GFI1: variants seen among roughly 807,000 people sequenced by gnomAD.
GFI1 encodes the protein growth factor independent 1 transcriptional repressor.
A neutral mutation model predicts 39.2 loss-of-function variants in GFI1; 15 were observed. That is an observed-to-expected ratio of 0.38 (90% CI 0.26 to 0.59). GFI1 has a LOEUF of 0.59. GFI1 is among the 20% of genes least tolerant of loss of function. The pLI is 0.62. For missense variants in GFI1, 475 were observed against 574.0 expected (o/e 0.83, Z 1.76); for synonymous variants, 239 against 254.3 (o/e 0.94, Z 0.57).
At chr1:92,476,444 C>G (rs1381006645) in intron 6 of GFI1, among the ~76,000 whole-genome samples, 2 of 152,170 alleles carry the variant, frequency 1.3e-5, no homozygotes, top group East Asian at 3.9e-4. Context: ...GGTTCCCAGC[C>G]AAAGGCCTCA....
Position 92,475,344 on chromosome 1 carries a change from C to G in GFI1, c.*685G>C, listed in dbSNP as rs1657905489. 1 of 153,916 alleles carries G rather than the reference C, an allele frequency of 6.5e-6. No individual in the cohort carries two copies. Among genetic ancestry groups the G allele is most frequent in the Non-Finnish European group, 1.4e-5 (1 of 69,276 alleles). The allele number at this position is 153,916 out of a possible 1,614,324, so 9.5% of individuals were successfully genotyped here. On this transcript the variant is annotated 3_prime_UTR_variant, in exon 7 of 7. Transcript: ENST00000294702. The stretch of plus-strand genomic sequence containing the variant: ...CACAGCCCTACTGAAGGGAGGACCT[C>G]TAATCCCCTCTCATTACCAACTTCT...
chr1:92,482,910 C>T lies in GFI1; in HGVS notation c.252G>A (p.Ser84=). 6.2e-7 allele frequency: 1 copy of T among 1,614,130 alleles called. No individual in the cohort carries two copies. The part of the protein sequence containing the change: ...SCEGSVCERS[S]EFEDFWRPPS... Reference sequence around the variant, plus strand: ...GGGGCCTCCAGAAGTCCTCAAACTCCGAGCTCCGTTCGCAGACGCTGCCTT... The same window carrying T: ...GGGGCCTCCAGAAGTCCTCAAACTCTGAGCTCCGTTCGCAGACGCTGCCTT... The change falls in exon 3 of 7, where the codon TCG becomes TCA. Residue 84 remains serine, a synonymous_variant. Transcript: ENST00000294702. The surrounding 1 kb of genome is among the most constrained non-coding windows in gnomAD (Gnocchi z 4.4).
rs946619895 is a variant in GFI1, at chr1:92,482,136, CTGAT to C, written c.298+724_298+727del. Among the ~76,000 whole-genome samples, 7 of 152,130 alleles carry C rather than the reference CTGAT, an allele frequency of 4.6e-5. No homozygotes were observed. The highest frequency in any genetic ancestry group is 4.6e-4 in the Admixed American group (7 of 15,278). On this transcript the variant is annotated intron_variant, in intron 3 of 6. Transcript: ENST00000294702. The surrounding 1 kb of genome is among the most constrained non-coding windows in gnomAD (Gnocchi z 4.4). ...CTATGGTTTTCGCCAAGTCAACTCA[CTGAT>C]TGTGGGACGGGTGGTGGTATCTTCT...
rs1264322040 is a variant in GFI1, at chr1:92,482,897, A to G, written c.265T>C (p.Phe89Leu). 1.2e-6 allele frequency: 2 copies of G among 1,614,018 alleles called. No individual in the cohort carries two copies. Among genetic ancestry groups the G allele is most frequent in the African/African-American group, 1.3e-5 (1 of 74,946 alleles). The change falls in exon 3 of 7, where the codon TTC becomes CTC. Residue 89 changes from phenylalanine (F) to leucine (L), a missense_variant. This residue lies in a region of GFI1 where 275 missense variants were observed against 275.8 expected (regional missense o/e 1.00). Coordinates refer to ENST00000294702, the MANE Select transcript of GFI1 (RefSeq NM_005263.5). This position sits in a 1 kb window ranked among gnomAD's most constrained non-coding sequence, Gnocchi z 4.4. ...VCERSSEFED[F>L]WRPPSPSASP... ...GCGGAGGGTGACGGGGGCCTCCAGA[A>G]GTCCTCAAACTCCGAGCTCCGTTCG...
In GFI1 at chr1:92,481,212, G is replaced by A; in HGVS notation, c.299-124C>T. On this transcript the variant is annotated intron_variant, in intron 3 of 6. Transcript: ENST00000294702. The surrounding 1 kb of genome is among the most constrained non-coding windows in gnomAD (Gnocchi z 4.3). Reference sequence around the variant, plus strand: ...GCACCCAGCGCTTGTAGAACACTGCGTGCGCCAGGTGCCAGGCTCGCCCCA... The same window carrying A: ...GCACCCAGCGCTTGTAGAACACTGCATGCGCCAGGTGCCAGGCTCGCCCCA... 2 of 862,940 alleles carry A rather than the reference G, an allele frequency of 2.3e-6. No individual in the cohort carries two copies. Among genetic ancestry groups the A allele is most frequent in the Admixed American group, 2.0e-5 (1 of 49,488 alleles). 53.5% of individuals were successfully genotyped at this position (862,940 alleles called of 1,614,324 possible). A position where few individuals can be genotyped will look rare whatever the true frequency, so the allele number is the denominator to read the frequency against.
intron 6 of GFI1, among the ~76,000 whole-genome samples, chr1:92,477,054 T>C (rs751300715): frequency 6.6e-6 from 1 of 152,216 alleles, no homozygotes; most frequent in Non-Finnish European, 1.5e-5. Context: ...CATGGCATTA[T>C]AGTCAGGGCT....
intron 6 of GFI1, 104 bp from the exon 7 acceptor site, chr1:92,476,311 G>A: frequency 9.3e-7 from 1 of 1,077,994 alleles, no homozygotes; most frequent in East Asian, 2.6e-5. Context: ...TTGCACCACA[G>A]TCTAAGGCCT....
chr1:92,480,312 A>G lies in GFI1; in HGVS notation c.924+36T>C, dbSNP rs1329070704. 6.5e-7 allele frequency: 1 copy of G among 1,540,558 alleles called. No homozygotes were observed. The highest frequency in any genetic ancestry group is 1.4e-5 in the African/African-American group (1 of 72,914). The stretch of plus-strand genomic sequence containing the variant: ...ACCGAGGAGATGCAGAAGATCCCCG[A>G]GCAGGGCCGCGCGCGGCGGTGCGCC... On this transcript the variant is annotated intron_variant, in intron 5 of 6. Transcript: ENST00000294702. The surrounding 1 kb of genome is among the most constrained non-coding windows in gnomAD (Gnocchi z 5.6).
intron 6 of GFI1, among the ~76,000 whole-genome samples, chr1:92,478,112 T>C (rs1658049241): frequency 6.6e-6 from 1 of 152,214 alleles, no homozygotes; most frequent in African/African-American, 2.4e-5. Flanking sequence ...TAATCATATT[T>C]GCCATTATTT....
At position 92,482,806 on chromosome 1, in the gene GFI1, C is replaced by T; in HGVS notation, c.298+58G>A. On this transcript the variant is annotated intron_variant, in intron 3 of 6. Coordinates refer to ENST00000294702, the MANE Select transcript of GFI1 (RefSeq NM_005263.5). This position sits in a 1 kb window ranked among gnomAD's most constrained non-coding sequence, Gnocchi z 4.4. ...TACGCCCAAGGTCGCGCCAATTCCC[C>T]CCCAGCACTGCCGGGTCCCTGCAGC... 7.2e-7 allele frequency: 1 copy of T among 1,387,006 alleles called. No individual in the cohort carries two copies. Among genetic ancestry groups the T allele is most frequent in the Non-Finnish European group, 1.0e-6 (1 of 974,660 alleles). The allele number at this position is 1,387,006 out of a possible 1,614,324, so 85.9% of individuals were successfully genotyped here.
In GFI1 at chr1:92,480,269, G is replaced by C; in HGVS notation, c.924+79C>G. The C allele has an allele frequency of 6.9e-7, 1 of 1,457,330 alleles. No homozygotes were observed. The highest frequency in any genetic ancestry group is 1.2e-5 in the South Asian group (1 of 82,244). The allele number at this position is 1,457,330 out of a possible 1,614,324, so 90.3% of individuals were successfully genotyped here. On this transcript the variant is annotated intron_variant, in intron 5 of 6. Coordinates refer to ENST00000294702, the MANE Select transcript of GFI1 (RefSeq NM_005263.5). The surrounding 1 kb of genome is among the most constrained non-coding windows in gnomAD (Gnocchi z 5.6). ...AAGTCGAGGAGAAAACTTCCAGGCA[G>C]AGAGTGGCTGGTGCTGCACCGAGGA...
intron 2 of GFI1, 32 bp from the exon 3 acceptor site, chr1:92,483,078 C>A: frequency 6.5e-7 from 1 of 1,548,016 alleles, no homozygotes; most frequent in Non-Finnish European, 8.7e-7. Context: ...GGGGCTCAGG[C>A]TGGGACCGGT....
chr1:92,483,104 T>C (rs1377689741), intron 2 of GFI1, 58 bp from the exon 3 acceptor site: 2 of 1,444,138 alleles, frequency 1.4e-6, no homozygotes, highest in East Asian at 2.3e-5. Context: ...CTGAGGGTGC[T>C]GAAGGCTCCC....
At chr1:92,478,854 A>G in intron 5 of GFI1, 101 bp from the exon 6 acceptor site, 5 of 1,484,748 alleles carry the variant, frequency 3.4e-6, no homozygotes, top group Non-Finnish European at 4.6e-6. Context: ...AGCTGACCCT[A>G]AAATCCCTTG....
In GFI1 at chr1:92,486,529, C is replaced by CT. The variant is rs1046942982; in HGVS notation, c.-100+196_-100+197insA. On this transcript the variant is annotated intron_variant, in intron 1 of 6. Coordinates refer to ENST00000294702, the MANE Select transcript of GFI1 (RefSeq NM_005263.5). ...CCTCAGGCCTCGGTCACCCGCCCCC[C>CT]CCACCCCCGACCCCGCCGCCTCCTA... Among the ~76,000 whole-genome samples the CT allele has an allele frequency of 2.5e-3, 367 of 146,734 alleles. 9 individuals carry two copies. Among genetic ancestry groups the CT allele is most frequent in the African/African-American group, 9.1e-3 (358 of 39,510 alleles).
chr1:92,480,357 C>CA lies in GFI1; in HGVS notation c.914dup (p.His306AlafsTer8). 1 of 1,549,680 alleles carries CA rather than the reference C, an allele frequency of 6.5e-7. No homozygotes were observed. The highest frequency in any genetic ancestry group is 2.4e-5 in the East Asian group (1 of 40,908). The stretch of plus-strand genomic sequence containing the variant: ...TGCGCCCCGCGCTTACCTGCGAGTG[C>CA]ACGGCTTTGTGCTGCTCCAGGCTCA... On this transcript the variant is annotated frameshift_variant, in exon 5 of 7. Transcript: ENST00000294702. LOFTEE classifies it high-confidence loss of function. The surrounding 1 kb of genome is among the most constrained non-coding windows in gnomAD (Gnocchi z 5.6).
Position 92,480,342 on chromosome 1 carries a change from G to C in GFI1, c.924+6C>G. 6.5e-7 allele frequency: 1 copy of C among 1,548,254 alleles called. No homozygotes were observed. ...GGCCGCGCGCGGCGGTGCGCCCCGC[G>C]CTTACCTGCGAGTGCACGGCTTTGT... On this transcript the variant is annotated splice_donor_region_variant and intron_variant, in intron 5 of 6. Coordinates refer to ENST00000294702, the MANE Select transcript of GFI1 (RefSeq NM_005263.5). The surrounding 1 kb of genome is among the most constrained non-coding windows in gnomAD (Gnocchi z 5.6).
Position 92,475,943 on chromosome 1 carries a change from A to AGGCAAGCAGGGAGCAGAGTGGT in GFI1, c.*64_*85dup. 1.6e-6 allele frequency: 2 copies of AGGCAAGCAGGGAGCAGAGTGGT among 1,282,238 alleles called. No individual in the cohort carries two copies. The highest frequency in any genetic ancestry group is 1.2e-5 in the South Asian group (1 of 80,118). The allele number at this position is 1,282,238 out of a possible 1,614,324, so 79.4% of individuals were successfully genotyped here. A position where few individuals can be genotyped will look rare whatever the true frequency, so the allele number is the denominator to read the frequency against. On this transcript the variant is annotated 3_prime_UTR_variant, in exon 7 of 7. Transcript: ENST00000294702. ...GGTCTGGAAAGTCAGAAGGGAGTGG[A>AGGCAAGCAGGGAGCAGAGTGGT]GGCAAGCAGGGAGCAGAGTGGTGGC...
rs1029958846 is a variant in GFI1 at position 92,480,808 on chromosome 1, A to G, written c.579T>C (p.Ala193=). 9.5e-6 allele frequency: 15 copies of G among 1,584,448 alleles called. No homozygotes were observed. The highest frequency in any genetic ancestry group is 1.3e-5 in the Non-Finnish European group (15 of 1,168,324). Reference sequence around the variant, plus strand: ...CGCCGTAGAGCCCTAGGCCAGGGCCAGCGGTGGCACCGGCCCCTGCGCTGC... The same window carrying G: ...CGCCGTAGAGCCCTAGGCCAGGGCCGGCGGTGGCACCGGCCCCTGCGCTGC... The part of the protein sequence containing the change: ...GSCSAGAGAT[A]GPGLGLYGDF... The change falls in exon 4 of 7, where the codon GCT becomes GCC. Residue 193 remains alanine, a synonymous_variant. Transcript: ENST00000294702. This position sits in a 1 kb window ranked among gnomAD's most constrained non-coding sequence, Gnocchi z 5.6.
Sources: allele counts gnomAD v4.1 joint callset (sites outside exome capture counted in the v4.1 genomes callset), GRCh38; gene constraint gnomAD v4.1.1; regional missense constraint gnomAD v4.1.1; non-coding constraint Gnocchi (gnomAD v3.1); transcripts MANE v1.5; gene names NCBI Gene and HGNC (gene_info 2026-07-23, HGNC 2026-07-21).